The following ZFAT variants were observed in gnomAD, a reference collection of about 807,000 sequenced individuals.
ZFAT encodes the protein zinc finger protein ZFAT.
Under a neutral mutation model 117.7 loss-of-function variants are expected in ZFAT, and 64 were observed. The ratio of observed to expected loss-of-function variants is 0.54; its 90% CI spans 0.44 to 0.67. The LOEUF (loss-of-function observed/expected upper bound fraction) is 0.67, where lower values mean the gene tolerates loss of function less well. Ranked by LOEUF, ZFAT falls within the 30% of genes least tolerant of loss-of-function variation. The pLI, the probability that ZFAT is intolerant of heterozygous loss-of-function variation, is 0.00. For missense variants in ZFAT, 1,433 were observed against 1,584.5 expected, an observed-to-expected ratio of 0.90 and a Z score of 1.62; for synonymous variants, 679 against 615.0, an observed-to-expected ratio of 1.10 and a Z score of -1.54.
At chr8:134,676,036 C>A (rs914194574) in intron 1 of ZFAT, among the ~76,000 whole-genome samples, 2 of 152,134 alleles carry the variant, frequency 1.3e-5, no homozygotes, top group African/African-American at 2.4e-5. Flanking sequence ...ACTGCATCAA[C>A]TAATGGGCAA....
intron 10 of ZFAT, among the ~76,000 whole-genome samples, chr8:134,576,832 G>A (rs1374575539): frequency 6.6e-6 from 1 of 152,198 alleles, no homozygotes; most frequent in African/African-American, 2.4e-5. Context: ...TATTACAAGA[G>A]TGCTTGAAGC....
chr8:134,745,389 C>T, the ZFAT span, among the ~76,000 whole-genome samples: 1 of 152,174 alleles, frequency 6.6e-6, no homozygotes, highest in Non-Finnish European at 1.5e-5. Context: ...GCTGGCCTAG[C>T]TTGCTTGGTT....
intron 2 of ZFAT, among the ~76,000 whole-genome samples, chr8:134,653,423 T>C (rs866982718): frequency 1.5e-5 from 2 of 133,750 alleles, no homozygotes; most frequent in Non-Finnish European, 1.6e-5. Flanking sequence ...TTATCTGTTT[T>C]TTTTTTTTTT....
intron 15 of ZFAT, among the ~76,000 whole-genome samples, chr8:134,483,704 G>A (rs1436427939): frequency 6.6e-6 from 1 of 152,178 alleles, no homozygotes; most frequent in Non-Finnish European, 1.5e-5. Flanking sequence ...TAACCCCTGG[G>A]ACGCAGAAAT....
intron 1 of ZFAT, among the ~76,000 whole-genome samples, chr8:134,707,096 G>A (rs1252550498): frequency 6.6e-6 from 1 of 151,906 alleles, no homozygotes; most frequent in African/African-American, 2.4e-5. Context: ...GTCACAAAGG[G>A]TGGGTCACAC....
chr8:134,507,343 C>T (rs1224044557), intron 15 of ZFAT, among the ~76,000 whole-genome samples: 1 of 152,166 alleles, frequency 6.6e-6, no homozygotes, highest in Admixed American at 6.5e-5. Context: ...GAGTGGTGCT[C>T]AGCGTCTACC....
intron 2 of ZFAT, among the ~76,000 whole-genome samples, chr8:134,656,807 G>A (rs1010907406): frequency 6.6e-6 from 1 of 152,154 alleles, no homozygotes; most frequent in Admixed American, 6.5e-5. Flanking sequence ...GATCTTTGCA[G>A]CGGTTCCTCA....
chr8:134,700,991 C>T (rs1038530963), intron 1 of ZFAT, among the ~76,000 whole-genome samples: 33 of 152,300 alleles, frequency 2.2e-4, no homozygotes, highest in Admixed American at 1.3e-3. Flanking sequence ...CCTCACCCCC[C>T]ACCCCCATGT....
At chr8:134,528,940 T>A (rs1414695696) in intron 12 of ZFAT, among the ~76,000 whole-genome samples, 1 of 152,154 alleles carries the variant, frequency 6.6e-6, no homozygotes, top group African/African-American at 2.4e-5. Flanking sequence ...AAAGTAGAAA[T>A]ATGCAGATAA....
At chr8:134,552,139 C>A (rs372319600) in intron 11 of ZFAT, among the ~76,000 whole-genome samples, 2 of 152,062 alleles carry the variant, frequency 1.3e-5, no homozygotes, top group African/African-American at 4.8e-5. Context: ...CTTTTGATGT[C>A]TATTTGGTTC....
chr8:134,610,401 AC>A, intron 4 of ZFAT, 68 bp downstream of exon 4: 1 of 1,499,972 alleles, frequency 6.7e-7, no homozygotes, highest in East Asian at 2.3e-5. Flanking sequence ...TCAGACTGTG[AC>A]ATCAGGCTGC....
the ZFAT span, among the ~76,000 whole-genome samples, chr8:134,722,644 G>C: frequency 3.9e-5 from 6 of 152,244 alleles, no homozygotes. Context: ...TGAGGAAGCA[G>C]AGGAGGGGAG....
intron 1 of ZFAT, among the ~76,000 whole-genome samples, chr8:134,672,643 A>G (rs1480729710): frequency 6.6e-6 from 1 of 152,244 alleles, no homozygotes; most frequent in Non-Finnish European, 1.5e-5. Context: ...AAGTAATGAA[A>G]AAAAGTCTGT....
chr8:134,759,987 AAAAC>A, the ZFAT span, among the ~76,000 whole-genome samples: 1 of 148,468 alleles, frequency 6.7e-6, no homozygotes, highest in East Asian at 2.0e-4. Context: ...AAAAAAAAAA[AAAAC>A]AAACAGAGGC....
chr8:134,657,654 G>A lies in ZFAT; in HGVS notation c.103C>T (p.His35Tyr). The change falls in exon 2 of 16, where the codon CAC (histidine) becomes TAC (tyrosine). Residue 35 changes from histidine (H) to tyrosine (Y), a missense_variant. Transcript: ENST00000377838. ...TCAACATTAACCCCTTCTTCCATGT[G>A]CTTCTCTGAAACGTGGGAGAGGAGT... is the stretch of plus-strand genomic sequence containing the variant. ...SELLSHVSEKHMEEGVNVDEI... is the reference protein window; with the variant it reads ...SELLSHVSEKYMEEGVNVDEI... The A allele has an allele frequency of 6.2e-7, 1 of 1,614,048 alleles. No homozygotes were observed. The highest frequency in any genetic ancestry group is 8.5e-7 in the Non-Finnish European group (1 of 1,180,006).
chr8:134,716,814 A>G (rs1006322403), upstream of ZFAT, among the ~76,000 whole-genome samples: 7 of 152,226 alleles, frequency 4.6e-5, no homozygotes, highest in Non-Finnish European at 8.8e-5. Context: ...CAATTCAAAG[A>G]AAGGGTCAAA....
At chr8:134,588,466 TGCTAAGCAGCACCCACAGG>T in intron 8 of ZFAT, 71 bp from the exon 9 acceptor site, 2 of 1,460,490 alleles carry the variant, frequency 1.4e-6, no homozygotes. Flanking sequence ...TAAACCTCAT[TGCTAAGCAGCACCCACAGG>T]AGGAATCAAG....
chr8:134,528,399 T>G (rs936649262), intron 12 of ZFAT, among the ~76,000 whole-genome samples: 1 of 152,222 alleles, frequency 6.6e-6, no homozygotes, highest in Non-Finnish European at 1.5e-5. Context: ...TGGGCCCTAA[T>G]AAAAACAATT....
chr8:134,742,747 C>T, the ZFAT span, among the ~76,000 whole-genome samples: 1 of 152,240 alleles, frequency 6.6e-6, no homozygotes, highest in East Asian at 1.9e-4. Flanking sequence ...TCTAGTCCTT[C>T]TGGTCTCAGC....
Sources: allele counts gnomAD v4.1 joint callset (sites outside exome capture counted in the v4.1 genomes callset), GRCh38; gene constraint gnomAD v4.1.1; transcripts MANE v1.5; gene names NCBI Gene and HGNC (gene_info 2026-07-23, HGNC 2026-07-21).